The following CYP2C18 variants were observed in gnomAD, a reference collection of about 807,000 sequenced individuals.
CYP2C18 encodes the protein cytochrome P450 family 2 subfamily C member 18, also known as cytochrome P450 2C18.
A neutral mutation model predicts 41.3 loss-of-function variants in CYP2C18; 38 were observed. The observed-to-expected ratio is 0.92, with a 90% CI of 0.71 to 1.21. The LOEUF (loss-of-function observed/expected upper bound fraction) is 1.21, where lower values mean the gene tolerates loss of function less well. CYP2C18 is among the 50% of genes most tolerant of loss of function. The probability of loss-of-function intolerance (pLI) is 0.00; values close to 1 mark genes in which losing one functional copy is unlikely to be tolerated. For missense variants in CYP2C18, 635 were observed against 591.4 expected (o/e 1.07, Z -0.77); for synonymous variants, 236 against 210.0 (o/e 1.12, Z -1.07).
At chr10:94,700,704 A>C (rs1156307353) in intron 4 of CYP2C18, among the ~76,000 whole-genome samples, 3 of 152,236 alleles carry the variant, frequency 2.0e-5, no homozygotes, top group African/African-American at 4.8e-5. Context: ...GAATGGGAGA[A>C]AATTTTTGCA....
At chr10:94,687,977 G>A (rs566030952) in intron 2 of CYP2C18, 45 bp downstream of exon 2, 1 of 1,600,786 alleles carries the variant, frequency 6.2e-7, no homozygotes, top group East Asian at 2.2e-5. Context: ...TGTATGTACT[G>A]GGCAGTGGCT....
intron 4 of CYP2C18, among the ~76,000 whole-genome samples, chr10:94,704,731 C>A (rs555963263): frequency 6.6e-6 from 1 of 152,264 alleles, no homozygotes; most frequent in African/African-American, 2.4e-5. Context: ...ATGTTGATAA[C>A]TTTCTAAATT....
At chr10:94,721,058 G>A (rs1847637681) in intron 6 of CYP2C18, among the ~76,000 whole-genome samples, 1 of 151,736 alleles carries the variant, frequency 6.6e-6, no homozygotes, top group Non-Finnish European at 1.5e-5. Context: ...GTGTCACCCA[G>A]GCTGGAGTGC....
intron 5 of CYP2C18, among the ~76,000 whole-genome samples, chr10:94,709,056 A>G (rs969996408): frequency 1.5e-4 from 23 of 152,138 alleles, no homozygotes; most frequent in African/African-American, 3.9e-4. Flanking sequence ...TTGTGTATAG[A>G]TAAGTTTTTA....
At chr10:94,689,356 T>G (rs1846955044) in intron 3 of CYP2C18, among the ~76,000 whole-genome samples, 1 of 142,146 alleles carries the variant, frequency 7.0e-6, no homozygotes, top group Non-Finnish European at 1.5e-5. Flanking sequence ...GTTTTTTATT[T>G]TCTATATTTT....
chr10:94,696,807 C>T (rs966552776), intron 4 of CYP2C18, among the ~76,000 whole-genome samples: 4 of 152,016 alleles, frequency 2.6e-5, no homozygotes, highest in Non-Finnish European at 4.4e-5. Context: ...AGCTGAAAAC[C>T]ACGGCCCGAG....
intron 5 of CYP2C18, among the ~76,000 whole-genome samples, chr10:94,712,906 G>A (rs1461216001): frequency 6.6e-6 from 1 of 152,060 alleles, no homozygotes; most frequent in Non-Finnish European, 1.5e-5. Context: ...ATAGCTCATT[G>A]TGTTTTTAAT....
chr10:94,701,780 G>A (rs997378854), intron 4 of CYP2C18, among the ~76,000 whole-genome samples: 2 of 152,186 alleles, frequency 1.3e-5, no homozygotes, highest in Admixed American at 6.5e-5. Flanking sequence ...TAAGCTGGGA[G>A]TGAATGAGCC....
intron 3 of CYP2C18, among the ~76,000 whole-genome samples, chr10:94,689,108 A>C (rs1846950964): frequency 6.6e-6 from 1 of 152,204 alleles, no homozygotes; most frequent in Non-Finnish European, 1.5e-5. Flanking sequence ...AGAAGTAATT[A>C]AAATTATCAG....
intron 5 of CYP2C18, among the ~76,000 whole-genome samples, chr10:94,710,360 T>C (rs1011380590): frequency 2.1e-4 from 32 of 152,256 alleles, no homozygotes; most frequent in African/African-American, 7.2e-4. Flanking sequence ...TTAGCTATTT[T>C]GGTTGTGTAG....
chr10:94,721,899 T>G (rs1048969608), intron 6 of CYP2C18, among the ~76,000 whole-genome samples: 10 of 146,580 alleles, frequency 6.8e-5, no homozygotes, highest in Non-Finnish European at 1.4e-4. Context: ...TTTTAATCCA[T>G]TCATCTGTTG....
At chr10:94,719,116 C>G (rs879769318) in intron 5 of CYP2C18, among the ~76,000 whole-genome samples, 5 of 152,102 alleles carry the variant, frequency 3.3e-5, no homozygotes, top group African/African-American at 1.2e-4. Flanking sequence ...AGACTGGAGC[C>G]TCCTATTCTG....
intron 5 of CYP2C18, among the ~76,000 whole-genome samples, chr10:94,715,390 G>T (rs984417559): frequency 1.3e-5 from 2 of 152,126 alleles, no homozygotes; most frequent in African/African-American, 4.8e-5. Flanking sequence ...TTAGCATGAA[G>T]GTTTTTGAAT....
chr10:94,707,049 G>A lies in CYP2C18; in HGVS notation c.819+89G>A, dbSNP rs941540785. 1.2e-5 allele frequency: 13 copies of A among 1,085,744 alleles called. No homozygotes were observed. In the African/African-American group the frequency reaches 1.8e-4, roughly 15 times the overall value. 67.3% of individuals were successfully genotyped at this position (1,085,744 alleles called of 1,614,324 possible). On this transcript the variant is annotated intron_variant, in intron 5 of 8. Transcript: ENST00000285979. ...AATAGTGAGGCAAGAAACACTTCAT[G>A]AGCACTTTATGTACTTACCATGTGT...
At chr10:94,725,900 G>C (rs911728887) in intron 7 of CYP2C18, among the ~76,000 whole-genome samples, 1 of 152,058 alleles carries the variant, frequency 6.6e-6, no homozygotes, top group African/African-American at 2.4e-5. Flanking sequence ...TCAGATTTCT[G>C]ATATTGAGGA....
intron 4 of CYP2C18, among the ~76,000 whole-genome samples, chr10:94,704,614 C>G (rs1164491681): frequency 1.3e-5 from 2 of 152,084 alleles, no homozygotes; most frequent in East Asian, 1.9e-4. Context: ...CTGGAGCACT[C>G]CTTGTCATAG....
At chr10:94,694,881 T>G (rs566434895) in intron 3 of CYP2C18, 36 bp from the exon 4 acceptor site, 1 of 1,598,620 alleles carries the variant, frequency 6.3e-7, no homozygotes, top group South Asian at 1.1e-5. Context: ...TATATGTATA[T>G]TTTAATGGTA....
rs1368884949 is a variant in CYP2C18 at position 94,688,182 on chromosome 10, C to T, written c.389C>T (p.Thr130Ile). The T allele has an allele frequency of 1.2e-6, 2 of 1,613,704 alleles. No homozygotes were observed. The highest frequency in any genetic ancestry group is 2.2e-5 in the East Asian group (1 of 44,860). The change falls in exon 3 of 9, where the codon ACT (threonine) becomes ATT (isoleucine). Residue 130 changes from threonine (T) to isoleucine (I), a missense_variant. Coordinates refer to ENST00000285979, the MANE Select transcript of CYP2C18 (RefSeq NM_000772.3). ...WKEIRRFCLM[T>I]LRNFGMGKRS... The stretch of plus-strand genomic sequence containing the variant: ...GAGATCCGGCGTTTCTGCCTCATGA[C>T]TCTGCGGAATTTTGGGATGGGGAAG...
intron 4 of CYP2C18, among the ~76,000 whole-genome samples, chr10:94,704,649 C>G (rs1425826563): frequency 6.6e-6 from 1 of 152,084 alleles, no homozygotes; most frequent in Non-Finnish European, 1.5e-5. Context: ...TTAAGTTGAG[C>G]CTGGATATCA....
Sources: allele counts gnomAD v4.1 joint callset (sites outside exome capture counted in the v4.1 genomes callset), GRCh38; gene constraint gnomAD v4.1.1; transcripts MANE v1.5; gene names NCBI Gene and HGNC (gene_info 2026-07-23, HGNC 2026-07-21).